CGNL1: variants seen among roughly 807,000 people sequenced by gnomAD.
CGNL1 encodes cingulin like 1, also known as cingulin-like protein 1.
In CGNL1, 132 loss-of-function variants were observed where a neutral mutation model predicts 141.2. The observed-to-expected ratio is 0.93, with a 90% CI of 0.81 to 1.08. CGNL1 has a LOEUF of 1.08. CGNL1 is among the 50% of genes least tolerant of loss of function. The pLI is 0.00. For synonymous variants in CGNL1, 690 were observed against 622.1 expected (o/e 1.11, Z -1.63); for missense variants, 1,870 against 1,588.6 (o/e 1.18, Z -3.01).
intron 7 of CGNL1, among the ~76,000 whole-genome samples, chr15:57,461,283 A>G (rs1490454140): frequency 6.6e-6 from 1 of 152,204 alleles, no homozygotes; most frequent in Non-Finnish European, 1.5e-5. Context: ...CCCAGGGGAT[A>G]TGAAGCAAGG....
At chr15:57,387,680 TGAG>T (rs545142200) in intron 1 of CGNL1, among the ~76,000 whole-genome samples, 1 of 152,276 alleles carries the variant, frequency 6.6e-6, no homozygotes, top group Admixed American at 6.5e-5. Flanking sequence ...CTTCCCACAA[TGAG>T]AAGTGGCCCT....
At chr15:57,395,843 A>G (rs1394809067) in intron 1 of CGNL1, among the ~76,000 whole-genome samples, 1 of 150,814 alleles carries the variant, frequency 6.6e-6, no homozygotes, top group East Asian at 2.0e-4. Flanking sequence ...GGTTAGCGCC[A>G]TGGTACGAAC....
At chr15:57,389,581 T>C (rs1334281804) in intron 1 of CGNL1, among the ~76,000 whole-genome samples, 1 of 152,158 alleles carries the variant, frequency 6.6e-6, no homozygotes, top group Non-Finnish European at 1.5e-5. Context: ...TACCTTTGTG[T>C]TTTTCTTTTT....
intron 1 of CGNL1, among the ~76,000 whole-genome samples, chr15:57,417,208 T>C (rs2062858474): frequency 1.3e-5 from 2 of 152,304 alleles, no homozygotes; most frequent in African/African-American, 4.8e-5. Flanking sequence ...AATACCTAAT[T>C]GTTTATACTG....
At chr15:57,456,345 A>G (rs925058957) in intron 7 of CGNL1, among the ~76,000 whole-genome samples, 1 of 152,182 alleles carries the variant, frequency 6.6e-6, no homozygotes, top group Non-Finnish European at 1.5e-5. Context: ...CAGATTTTGC[A>G]TGAAATATCT....
chr15:57,509,257 C>A (rs1432356015), intron 8 of CGNL1, among the ~76,000 whole-genome samples: 2 of 152,120 alleles, frequency 1.3e-5, no homozygotes, highest in African/African-American at 2.4e-5. Context: ...GGGTGGCCAG[C>A]GAGATGGAAC....
intron 1 of CGNL1, among the ~76,000 whole-genome samples, chr15:57,427,090 G>A (rs1567109767): frequency 6.6e-6 from 1 of 152,112 alleles, no homozygotes; most frequent in Non-Finnish European, 1.5e-5. Flanking sequence ...GGTTTGGGTA[G>A]TCCCCCTTCC....
chr15:57,504,284 C>T (rs1324394998), intron 8 of CGNL1, among the ~76,000 whole-genome samples: 1 of 152,208 alleles, frequency 6.6e-6, no homozygotes, highest in Non-Finnish European at 1.5e-5. Flanking sequence ...GAGGAGATTA[C>T]AGCTCAGTAA....
intron 8 of CGNL1, among the ~76,000 whole-genome samples, chr15:57,486,049 T>A (rs1360117354): frequency 6.6e-6 from 1 of 152,078 alleles, no homozygotes; most frequent in Non-Finnish European, 1.5e-5. Context: ...GGGTCTGGAA[T>A]CAGAAGTGAG....
rs145350583 is a variant in CGNL1 at position 57,465,744 on chromosome 15, A to G, written c.2403+3852A>G. Among the ~76,000 whole-genome samples the G allele has an allele frequency of 2.8e-3, 428 of 152,244 alleles. 6 individuals are homozygous for G. The highest frequency in any genetic ancestry group is 9.6e-3 in the African/African-American group (399 of 41,526). ...TGAAGCAGCCCAACCTTCTGTCATC[A>G]GTTTTTCTTATTCTTACCACTGCCC... is the stretch of plus-strand genomic sequence containing the variant. On this transcript the variant is annotated intron_variant, in intron 8 of 18. Coordinates refer to ENST00000281282, the MANE Select transcript of CGNL1 (RefSeq NM_032866.5).
At chr15:57,539,536 G>A (rs559092088) in intron 14 of CGNL1, among the ~76,000 whole-genome samples, 105 of 152,308 alleles carry the variant, frequency 6.9e-4, no homozygotes, top group African/African-American at 2.4e-3. Context: ...CATAGCTGCT[G>A]TCTTAGTCGC....
In CGNL1 at chr15:57,433,604, G is replaced by A. The variant is rs192312636; in HGVS notation, c.-15-4381G>A. Among the ~76,000 whole-genome samples, 380 of 152,240 alleles carry A rather than the reference G, an allele frequency of 2.5e-3. 2 individuals carry two copies. The highest frequency in any genetic ancestry group is 4.7e-3 in the Non-Finnish European group (319 of 68,002). ...GTTACCATAGTAGGCCAGAGAGATT[G>A]GCCAAATATAGGGAGTTATTAAAAC... On this transcript the variant is annotated intron_variant, in intron 1 of 18. Coordinates refer to ENST00000281282, the MANE Select transcript of CGNL1 (RefSeq NM_032866.5).
At chr15:57,446,594 C>T (rs538436170) in intron 4 of CGNL1, among the ~76,000 whole-genome samples, 1 of 150,980 alleles carries the variant, frequency 6.6e-6, no homozygotes, top group African/African-American at 2.4e-5. Context: ...TGTAATCAGT[C>T]AACATAGTGT....
intron 8 of CGNL1, among the ~76,000 whole-genome samples, chr15:57,487,098 C>T (rs1395746392): frequency 1.3e-5 from 2 of 152,104 alleles, no homozygotes; most frequent in Non-Finnish European, 2.9e-5. Flanking sequence ...CCAGTGCAAC[C>T]ACACTAAACT....
intron 8 of CGNL1, among the ~76,000 whole-genome samples, chr15:57,485,553 T>TTAAAA (rs1280024950): frequency 1.3e-5 from 2 of 152,354 alleles, no homozygotes; most frequent in East Asian, 3.9e-4. Flanking sequence ...TATTTTCATG[T>TTAAAA]TAAAAGTAAG....
intron 1 of CGNL1, among the ~76,000 whole-genome samples, chr15:57,400,309 T>A (rs928356368): frequency 2.6e-5 from 4 of 152,180 alleles, no homozygotes; most frequent in Admixed American, 6.5e-5. Flanking sequence ...CATTCTTAGG[T>A]CTGCCTTTTG....
intron 11 of CGNL1, 116 bp downstream of exon 11, chr15:57,523,757 G>A: frequency 9.0e-7 from 1 of 1,116,778 alleles, no homozygotes; most frequent in Non-Finnish European, 1.3e-6. Flanking sequence ...GCACAAAAGT[G>A]TCAGGGATTT....
intron 8 of CGNL1, among the ~76,000 whole-genome samples, chr15:57,496,961 T>G (rs2063947532): frequency 6.6e-6 from 1 of 152,038 alleles, no homozygotes; most frequent in Non-Finnish European, 1.5e-5. Context: ...GGTTGCTGAG[T>G]CCGGCAATGC....
intron 8 of CGNL1, among the ~76,000 whole-genome samples, chr15:57,472,992 C>A (rs1369176710): frequency 6.6e-6 from 1 of 152,104 alleles, no homozygotes; most frequent in Admixed American, 6.5e-5. Flanking sequence ...AATCTCTGAG[C>A]CATCCATGGA....
Sources: gnomAD v4.1 joint callset for allele counts (sites outside exome capture counted in the v4.1 genomes callset) on GRCh38, gnomAD v4.1.1 for gene constraint, MANE v1.5 for transcripts, NCBI Gene and HGNC (gene_info 2026-07-23, HGNC 2026-07-21) for gene names.